Variants in FER observed in about 807,000 individuals in gnomAD.
The protein encoded by FER is tyrosine-protein kinase Fer.
A neutral mutation model predicts 111.0 loss-of-function variants in FER; 63 were observed. The ratio of observed to expected loss-of-function variants is 0.57; its 90% confidence interval spans 0.46 to 0.70. The LOEUF (loss-of-function observed/expected upper bound fraction) is 0.70. FER is among the 30% of genes least tolerant of loss of function. The pLI is 0.00. For missense variants in FER, 914 were observed against 954.0 expected (o/e 0.96, Z 0.55); for synonymous variants, 327 against 313.9 (o/e 1.04, Z -0.44).
rs1561370506 is a variant in FER at position 108,756,171 on chromosome 5, AAAT to A, written c.-206+8183_-206+8185del. ...AACTCCATCTCAAAAAAAAAAAAAAAAATAATAATAATAAATACAATAAAAAGA... is the reference window on the plus strand; with the variant it reads ...AACTCCATCTCAAAAAAAAAAAAAAAAATAATAATAAATACAATAAAAAGA... On this transcript the variant is annotated intron_variant, in intron 1 of 19. Coordinates refer to ENST00000281092, the MANE Select transcript of FER (RefSeq NM_005246.4). 4.0e-4 allele frequency among the ~76,000 whole-genome samples: 57 copies of A among 142,892 alleles called. 1 individual carries two copies. The highest frequency in any genetic ancestry group is 4.6e-4 in the Non-Finnish European group (30 of 65,852). 93.7% of individuals were successfully genotyped at this position (142,892 alleles called of 152,430 possible).
intron 9 of FER, among the ~76,000 whole-genome samples, chr5:108,885,746 G>A (rs1373155801): frequency 6.6e-6 from 1 of 151,678 alleles, no homozygotes; most frequent in Admixed American, 6.6e-5. Context: ...TTCAACATCT[G>A]AATTTTGGCA....
At chr5:109,028,452 A>T (rs1243691374) in intron 13 of FER, among the ~76,000 whole-genome samples, 2 of 152,340 alleles carry the variant, frequency 1.3e-5, no homozygotes, top group East Asian at 3.9e-4. Flanking sequence ...TCTGAACTTG[A>T]AAGAGTCATA....
At chr5:109,026,638 A>G (rs2149845507) in intron 13 of FER, among the ~76,000 whole-genome samples, 1 of 152,282 alleles carries the variant, frequency 6.6e-6, no homozygotes, top group East Asian at 1.9e-4. Flanking sequence ...CAGTATGAGT[A>G]GTAGAAAAAT....
intron 17 of FER, among the ~76,000 whole-genome samples, chr5:109,123,000 C>CT (rs1224016331): frequency 3.6e-4 from 54 of 151,636 alleles, no homozygotes; most frequent in South Asian, 2.5e-3. Flanking sequence ...ATCATTGGGT[C>CT]TTTTTTTTAT....
rs56964791 is a variant in FER at position 108,999,929 on chromosome 5, T to A, written c.1657-37493T>A. Among the ~76,000 whole-genome samples the A allele has an allele frequency of 3.8e-3, 572 of 152,230 alleles. 4 individuals are homozygous for A. The highest frequency in any genetic ancestry group is 0.013 in the African/African-American group (542 of 41,570). On this transcript the variant is annotated intron_variant, in intron 13 of 19. Transcript: ENST00000281092. Reference sequence around the variant, plus strand: ...AGGAAAGCCCTTTACTATAACTGTCTAATTTCACTACATAGCACACAGTAG... The same window carrying A: ...AGGAAAGCCCTTTACTATAACTGTCAAATTTCACTACATAGCACACAGTAG...
chr5:108,765,786 T>A lies in FER; in HGVS notation c.-205-2307T>A, dbSNP rs969785112. Among the ~76,000 whole-genome samples, 3 of 152,216 alleles carry A rather than the reference T, an allele frequency of 2.0e-5. No individual in the cohort carries two copies. In the East Asian group the frequency reaches 5.8e-4, roughly 29 times the overall value. ...ATTGGATGATCTAGTAATTTTTGGG[T>A]TTGTCTTTGGAGTGGAATTGGATAC... is the stretch of plus-strand genomic sequence containing the variant. On this transcript the variant is annotated intron_variant, in intron 1 of 19. Transcript: ENST00000281092.
chr5:108,795,478 A>G (rs1213237703), intron 2 of FER, among the ~76,000 whole-genome samples: 1 of 151,520 alleles, frequency 6.6e-6, no homozygotes, highest in Admixed American at 6.6e-5. Flanking sequence ...CCTGTCTGAA[A>G]AAAAAGAAAA....
chr5:109,147,040 C>T (rs1754300758), intron 17 of FER, among the ~76,000 whole-genome samples: 1 of 151,430 alleles, frequency 6.6e-6, no homozygotes, highest in Non-Finnish European at 1.5e-5. Context: ...CACTTCCATT[C>T]ATAGAGATTA....
At position 108,996,545 on chromosome 5, in the gene FER, A is replaced by T. The variant is rs147391479; in HGVS notation, c.1656+37198A>T. Among the ~76,000 whole-genome samples the T allele has an allele frequency of 5.9e-3, 898 of 152,272 alleles. 5 individuals are homozygous for T. The highest frequency in any genetic ancestry group is 0.021 in the African/African-American group (861 of 41,556). On this transcript the variant is annotated intron_variant, in intron 13 of 19. Transcript: ENST00000281092. ...CCTTTCCTCATTTCTTGTTTTTGTC[A>T]GGTTTGTCAAAGATAAGATGGTTGT...
intron 17 of FER, chr5:109,177,517 T>G (rs2126835601): frequency 6.6e-6 from 1 of 152,246 alleles, no homozygotes; most frequent in Non-Finnish European, 1.5e-5. Context: ...TGGCTTACTG[T>G]ACGATTTGCT....
chr5:108,779,263 T>C (rs1021356230), intron 2 of FER, among the ~76,000 whole-genome samples: 3 of 152,164 alleles, frequency 2.0e-5, no homozygotes, highest in African/African-American at 7.2e-5. Flanking sequence ...TTTATTCTTT[T>C]CCTTTAATGC....
At chr5:108,909,077 C>T (rs1751194967) in intron 10 of FER, among the ~76,000 whole-genome samples, 1 of 152,064 alleles carries the variant, frequency 6.6e-6, no homozygotes, top group African/African-American at 2.4e-5. Context: ...TATCTGGCGG[C>T]TTAATTGTGG....
Position 108,798,255 on chromosome 5 carries a change from C to T in FER, c.73C>T (p.Leu25=), listed in dbSNP as rs1313361666. 2 of 1,613,914 alleles carry T rather than the reference C, an allele frequency of 1.2e-6. No individual in the cohort carries two copies. Among genetic ancestry groups the T allele is most frequent in the Non-Finnish European group, 8.5e-7 (1 of 1,179,968 alleles). Residue 25 remains leucine (L), a synonymous_variant, in exon 3 of 20, where the codon CTG becomes TTG. Transcript: ENST00000281092. ...ATTGCAAGACTGGGAATTACGGTTA[C>T]TGGAAACAGTAAAGAAATTTATGGC... ...LKLQDWELRL[L]ETVKKFMALR... is the part of the protein sequence containing the mutation.
At chr5:108,856,346 C>G (rs1406526695) in intron 5 of FER, among the ~76,000 whole-genome samples, 3 of 152,030 alleles carry the variant, frequency 2.0e-5, no homozygotes, top group African/African-American at 7.2e-5. Flanking sequence ...TTTTCCCACT[C>G]ATTATTCATT....
chr5:108,992,264 CA>C (rs1172292508), intron 13 of FER, among the ~76,000 whole-genome samples: 1 of 152,240 alleles, frequency 6.6e-6, no homozygotes, highest in Non-Finnish European at 1.5e-5. Context: ...AAAAGTCTCC[CA>C]TGTCTACTTC....
At chr5:108,983,897 T>G (rs925260233) in intron 13 of FER, among the ~76,000 whole-genome samples, 1 of 152,030 alleles carries the variant, frequency 6.6e-6, no homozygotes, top group Middle Eastern at 3.2e-3. Flanking sequence ...TGCTCACGCT[T>G]TCATTCTCCC....
At chr5:108,994,342 C>G (rs1763720828) in intron 13 of FER, among the ~76,000 whole-genome samples, 1 of 152,184 alleles carries the variant, frequency 6.6e-6, no homozygotes, top group Non-Finnish European at 1.5e-5. Flanking sequence ...AGCCAGTTCT[C>G]CCAGCACCAT....
At chr5:108,930,340 CCCTCCCCG>C in intron 10 of FER, among the ~76,000 whole-genome samples, 1 of 115,942 alleles carries the variant, frequency 8.6e-6, no homozygotes. Context: ...TTATCCCCTC[CCCTCCCCG>C]CCTCCCCTCT....
intron 16 of FER, among the ~76,000 whole-genome samples, chr5:109,060,660 G>T (rs1167067113): frequency 6.6e-6 from 1 of 151,940 alleles, no homozygotes; most frequent in African/African-American, 2.4e-5. Context: ...CTCTGGCCTG[G>T]TGACAGAGTG....
Sources: gnomAD v4.1 joint callset for allele counts (sites outside exome capture counted in the v4.1 genomes callset) on GRCh38, gnomAD v4.1.1 for gene constraint, MANE v1.5 for transcripts, NCBI Gene and HGNC (gene_info 2026-07-23, HGNC 2026-07-21) for gene names.